Variants in OSBPL11 observed in about 807,000 individuals in gnomAD.
OSBPL11 encodes the protein oxysterol-binding protein-related protein 11.
In OSBPL11, 33 loss-of-function variants were observed where a neutral mutation model predicts 84.4. The observed-to-expected ratio is 0.39, with a 90% CI of 0.30 to 0.52. The LOEUF is 0.52. Among genes scored for constraint, OSBPL11 ranks in the 20% least tolerant of loss-of-function variants. OSBPL11 has a pLI of 0.72. For synonymous variants in OSBPL11, 276 were observed against 310.2 expected (o/e 0.89, Z 1.16); for missense variants, 736 against 901.1 (o/e 0.82, Z 2.35).
chr3:125,593,286 C>A (rs2979306), intron 1 of OSBPL11, among the ~76,000 whole-genome samples: 29,203 of 152,120 alleles, frequency 0.19, 3,180 homozygotes, highest in African/African-American at 0.29. Context: ...CTCAAACTAA[C>A]TGAATATATC....
intron 5 of OSBPL11, among the ~76,000 whole-genome samples, chr3:125,569,817 C>T (rs542766431): frequency 2.0e-4 from 31 of 152,234 alleles, no homozygotes; most frequent in Non-Finnish European, 3.8e-4. Context: ...CAGCCATACC[C>T]GAAGGAGTAC....
chr3:125,528,898 C>A lies in OSBPL11; in HGVS notation c.*1617G>T, dbSNP rs1236360983. On this transcript the variant is annotated 3_prime_UTR_variant, in exon 13 of 13. Transcript: ENST00000296220. Reference sequence around the variant, plus strand: ...TTTTATTATTTGTCAATTTTCCCAACACAGGAACTATAACTCATTTTGAGG... The same window carrying A: ...TTTTATTATTTGTCAATTTTCCCAAAACAGGAACTATAACTCATTTTGAGG... 1 of 152,634 alleles carries A rather than the reference C, an allele frequency of 6.6e-6. No homozygotes were observed. Among genetic ancestry groups the A allele is most frequent in the Non-Finnish European group, 1.5e-5 (1 of 68,044 alleles). 9.5% of individuals were successfully genotyped at this position (152,634 alleles called of 1,614,324 possible).
In OSBPL11 at chr3:125,594,962, C is replaced by T; in HGVS notation, c.-162G>A. 1 of 688,672 alleles carries T rather than the reference C, an allele frequency of 1.5e-6. No homozygotes were observed. Among genetic ancestry groups the T allele is most frequent in the Non-Finnish European group, 2.4e-6 (1 of 423,318 alleles). The allele number at this position is 688,672 out of a possible 1,614,324, so 42.7% of individuals were successfully genotyped here. A position where few individuals can be genotyped will look rare whatever the true frequency, so the allele number is the denominator to read the frequency against. ...TCAAATGGTCCAGAAAAGGAAGATA[C>T]ACATTCCCACAGAAGTTAAACTTTT... On this transcript the variant is annotated 5_prime_UTR_variant, in exon 1 of 13. Transcript: ENST00000296220.
Position 125,530,575 on chromosome 3 carries a change from A to C in OSBPL11, c.2184T>G (p.Asp728Glu). Residue 728 changes from aspartate (D) to glutamate (E), a missense_variant, in exon 13 of 13, where the codon GAT (aspartate) becomes GAG (glutamate). By Grantham distance (45) the Asp-to-Glu change is conservative (BLOSUM62 2). Transcript: ENST00000296220. ...AAAGTGGTTTATGATAAACCCAGCCATCTCCCTGAAACAAATAAAAAGATA... is the reference window on the plus strand; with the variant it reads ...AAAGTGGTTTATGATAAACCCAGCCCTCTCCCTGAAACAAATAAAAAGATA... ...WKTKYFIKEG[D>E]GWVYHKPLWK... 6.2e-7 allele frequency: 1 copy of C among 1,612,664 alleles called. No individual in the cohort carries two copies. Among genetic ancestry groups the C allele is most frequent in the Non-Finnish European group, 8.5e-7 (1 of 1,178,706 alleles).
rs762471538 is a variant in OSBPL11 at position 125,567,570 on chromosome 3, T to C, written c.692A>G (p.Gln231Arg). The stretch of plus-strand genomic sequence containing the variant: ...TTCAATTCGTCTAATTAAGTCTCTT[T>C]GTTGTCCTTCAGCATGAGACATCAT... ...REMMSHAEGQQRDLIRRIECL... is the reference protein window; with the variant it reads ...REMMSHAEGQRRDLIRRIECL... Residue 231 changes from glutamine to arginine, a missense_variant, in exon 6 of 13, where the codon CAA becomes CGA. Physicochemically the swap from Gln to Arg is conservative, Grantham distance 43 (BLOSUM62 1). Around this residue, in one of 3 missense-constraint regions of OSBPL11, gnomAD observed 579 missense variants for 717.6 expected, o/e 0.81. Coordinates refer to ENST00000296220, the MANE Select transcript of OSBPL11 (RefSeq NM_022776.5). 1 of 1,614,180 alleles carries C rather than the reference T, an allele frequency of 6.2e-7. No homozygotes were observed. The highest frequency in any genetic ancestry group is 8.5e-7 in the Non-Finnish European group (1 of 1,179,994).
intron 5 of OSBPL11, among the ~76,000 whole-genome samples, chr3:125,570,621 T>C (rs1936229951): frequency 6.6e-6 from 1 of 152,180 alleles, no homozygotes; most frequent in Non-Finnish European, 1.5e-5. Context: ...GGGGAAGGTC[T>C]TTCCCATGCT....
At chr3:125,545,932 TTAAA>T (rs750686466) in intron 10 of OSBPL11, among the ~76,000 whole-genome samples, 43 of 152,066 alleles carry the variant, frequency 2.8e-4, no homozygotes, top group Admixed American at 8.5e-4. Context: ...GGCATGGGCA[TTAAA>T]TAAAGACATG....
intron 9 of OSBPL11, among the ~76,000 whole-genome samples, chr3:125,551,887 A>C (rs1580046608): frequency 1.3e-5 from 2 of 152,126 alleles, no homozygotes; most frequent in African/African-American, 2.4e-5. Context: ...TCCCCACAAG[A>C]AGCATTCTGG....
chr3:125,557,784 CAACT>C (rs1387471196), intron 8 of OSBPL11, among the ~76,000 whole-genome samples: 2 of 141,670 alleles, frequency 1.4e-5, no homozygotes, highest in African/African-American at 5.2e-5. Context: ...GTAACACATA[CAACT>C]TTCTTTTTTT....
At chr3:125,578,071 T>C (rs1432217615) in intron 4 of OSBPL11, among the ~76,000 whole-genome samples, 1 of 152,198 alleles carries the variant, frequency 6.6e-6, no homozygotes, top group African/African-American at 2.4e-5. Flanking sequence ...TTATGAAAAC[T>C]TGAAAGTGTT....
chr3:125,553,764 C>T (rs187700263), intron 8 of OSBPL11, among the ~76,000 whole-genome samples: 133 of 152,278 alleles, frequency 8.7e-4, no homozygotes, highest in African/African-American at 3.0e-3. Flanking sequence ...TTTAAAAAGA[C>T]GGTTTTGAAG....
intron 11 of OSBPL11, 63 bp from the exon 12 acceptor site, chr3:125,532,077 A>G (rs1559832675): frequency 6.2e-6 from 9 of 1,463,206 alleles, no homozygotes; most frequent in Non-Finnish European, 8.3e-6. Context: ...AATAGAATCA[A>G]TACCCTCAAA....
intron 5 of OSBPL11, among the ~76,000 whole-genome samples, chr3:125,574,178 TGGTG>T (rs1459614679): frequency 2.6e-5 from 4 of 151,626 alleles, no homozygotes. Context: ...GTAAAAGCAA[TGGTG>T]GGTAGAACTT....
chr3:125,570,449 C>T (rs574788840), intron 5 of OSBPL11, among the ~76,000 whole-genome samples: 13 of 151,910 alleles, frequency 8.6e-5, no homozygotes, highest in East Asian at 3.9e-4. Context: ...CTCAAGAGTT[C>T]GAGGCTGCAG....
chr3:125,557,794 T>C, intron 8 of OSBPL11, among the ~76,000 whole-genome samples: 1 of 81,056 alleles, frequency 1.2e-5, no homozygotes, highest in Non-Finnish European at 2.6e-5. Flanking sequence ...CAACTTTCTT[T>C]TTTTTTTTTT....
chr3:125,534,402 A>T (rs1935608420), intron 11 of OSBPL11, among the ~76,000 whole-genome samples: 1 of 151,714 alleles, frequency 6.6e-6, no homozygotes, highest in Non-Finnish European at 1.5e-5. Context: ...AAAAAAAAAG[A>T]AACATTTACC....
chr3:125,544,482 G>A (rs1328850913), intron 10 of OSBPL11, among the ~76,000 whole-genome samples: 2 of 152,160 alleles, frequency 1.3e-5, no homozygotes, highest in Non-Finnish European at 2.9e-5. Flanking sequence ...CCCTTTAACA[G>A]GCTAAGGTAC....
Position 125,530,564 on chromosome 3 carries a change from T to C in OSBPL11, c.2195A>G (p.Tyr732Cys). ...YFIKEGDGWV[Y>C]HKPLWKIIPT... is the part of the protein sequence containing the mutation. ...AATTATTTTCCAAAGTGGTTTATGA[T>C]AAACCCAGCCATCTCCCTGAAACAA... The change falls in exon 13 of 13, where the codon TAT (tyrosine) becomes TGT (cysteine). Residue 732 changes from tyrosine to cysteine, a missense_variant. By Grantham distance (194) the Tyr-to-Cys change is radical. Transcript: ENST00000296220. 1 of 1,613,710 alleles carries C rather than the reference T, an allele frequency of 6.2e-7. No individual in the cohort carries two copies. The highest frequency in any genetic ancestry group is 8.5e-7 in the Non-Finnish European group (1 of 1,179,650).
intron 10 of OSBPL11, among the ~76,000 whole-genome samples, chr3:125,542,527 G>A (rs979104355): frequency 3.3e-5 from 3 of 92,090 alleles, no homozygotes. Context: ...TTTTTTTTTT[G>A]AGACGTAGCC....
Sources: gnomAD v4.1 joint callset for allele counts (sites outside exome capture counted in the v4.1 genomes callset) on GRCh38, gnomAD v4.1.1 for gene constraint, gnomAD v4.1.1 regional missense constraint, MANE v1.5 for transcripts, NCBI Gene and HGNC (gene_info 2026-07-23, HGNC 2026-07-21) for gene names.